Variants in CNOT1 observed in about 807,000 individuals in gnomAD.
The protein encoded by CNOT1 is CCR4-associated factor 1.
Under a neutral mutation model 273.8 loss-of-function variants are expected in CNOT1, and 15 were observed. The observed-to-expected ratio is 0.05, with a 90% confidence interval of 0.04 to 0.08. The LOEUF (loss-of-function observed/expected upper bound fraction) is 0.08, where lower values mean the gene tolerates loss of function less well. CNOT1 is among the 10% of genes least tolerant of loss of function. The pLI is 1.00. For missense variants in CNOT1, 1,644 were observed against 2,912.2 expected (o/e 0.56, Z 10.02); for synonymous variants, 1,022 against 1,005.5 (o/e 1.02, Z -0.31).
intron 16 of CNOT1, among the ~76,000 whole-genome samples, chr16:58,564,908 C>A (rs2040986091): frequency 6.6e-6 from 1 of 151,790 alleles, no homozygotes; most frequent in South Asian, 2.1e-4. Flanking sequence ...TACACCCCAG[C>A]CTGGGTAACA....
chr16:58,583,122 C>G lies in CNOT1; in HGVS notation c.867G>C (p.Gln289His). 6.2e-7 allele frequency: 1 copy of G among 1,613,974 alleles called. No homozygotes were observed. The highest frequency in any genetic ancestry group is 8.5e-7 in the Non-Finnish European group (1 of 1,180,008). Residue 289 changes from glutamine to histidine, a missense_variant, in exon 9 of 49, where the codon CAG becomes CAC. Coordinates refer to ENST00000317147, the MANE Select transcript of CNOT1 (RefSeq NM_016284.5). ...QFGVREVTAAQVARVLGMMAR... is the reference protein window; with the variant it reads ...QFGVREVTAAHVARVLGMMAR... ...CCATCATTCCCAAAACCCTTGCAAC[C>G]TGGGCAGCTGTGACCTCCCGAACAC...
chr16:58,529,066 A>T (rs1440549207), intron 43 of CNOT1, among the ~76,000 whole-genome samples: 1 of 152,166 alleles, frequency 6.6e-6, no homozygotes, highest in Non-Finnish European at 1.5e-5. Context: ...TAAATTGATA[A>T]ACCCTAACCA....
Position 58,521,305 on chromosome 16 carries a change from T to C in CNOT1, c.6930A>G (p.Glu2310=). The C allele has an allele frequency of 6.2e-7, 1 of 1,607,766 alleles. No homozygotes were observed. The change falls in exon 48 of 49, where the codon GAA becomes GAG. Residue 2310 remains glutamate (E), a synonymous_variant. Coordinates refer to ENST00000317147, the MANE Select transcript of CNOT1 (RefSeq NM_016284.5). ...IQEQITRVLL[E]RLIVNRPHPW... ...GATGTGGCCTATTTACAATCAACCGTTCCAAGAGAACTCTGGAAAAAGGGA... is the reference window on the plus strand; with the variant it reads ...GATGTGGCCTATTTACAATCAACCGCTCCAAGAGAACTCTGGAAAAAGGGA...
At position 58,555,357 on chromosome 16, in the gene CNOT1, T is replaced by C. The variant is rs1006424165; in HGVS notation, c.2785A>G (p.Met929Val). 1.2e-6 allele frequency: 2 copies of C among 1,614,108 alleles called. No homozygotes were observed. Among genetic ancestry groups the C allele is most frequent in the African/African-American group, 1.3e-5 (1 of 74,944 alleles). Residue 929 changes from methionine to valine, a missense_variant, in exon 21 of 49, where the codon ATG becomes GTG. Physicochemically the swap from Met to Val is conservative, Grantham distance 21 (BLOSUM62 1). Transcript: ENST00000317147. ...TATCGTAGAGCCAGACCTAGTGCCA[T>C]GTAAGTGACCAGTCCTTTCTCAATT... is the stretch of plus-strand genomic sequence containing the variant. ...GIIEKGLVTY[M>V]ALGLALRYVL...
intron 2 of CNOT1, among the ~76,000 whole-genome samples, chr16:58,598,788 G>A (rs527572619): frequency 6.6e-6 from 1 of 152,232 alleles, no homozygotes; most frequent in Non-Finnish European, 1.5e-5. Context: ...TGGGCTGGGC[G>A]TGGTGGCTCA....
rs773512727 is a variant in CNOT1 at position 58,537,011 on chromosome 16, G to A, written c.5624C>T (p.Ala1875Val). The A allele has an allele frequency of 4.0e-5, 64 of 1,614,028 alleles. No individual in the cohort carries two copies. The highest frequency in any genetic ancestry group is 5.3e-5 in the Non-Finnish European group (62 of 1,180,028). Residue 1875 changes from alanine to valine, a missense_variant, in exon 39 of 49, where the codon GCT (alanine) becomes GTT (valine). Coordinates refer to ENST00000317147, the MANE Select transcript of CNOT1 (RefSeq NM_016284.5). ...SAAAGRDSTK[A>V]FSAFVGQMHQ... ...TACCTGTCCAACAAATGCAGAGAAA[G>A]CTTTGGTACTGTCGCGGCCAGCTGC...
At position 58,547,035 on chromosome 16, in the gene CNOT1, G is replaced by C. The variant is rs2040279738; in HGVS notation, c.3750+151C>G. 6 of 1,160,600 alleles carry C rather than the reference G, an allele frequency of 5.2e-6. 1 individual carries two copies. 71.9% of individuals were successfully genotyped at this position (1,160,600 alleles called of 1,614,324 possible). On this transcript the variant is annotated intron_variant, in intron 27 of 48. Coordinates refer to ENST00000317147, the MANE Select transcript of CNOT1 (RefSeq NM_016284.5). This position sits in a 1 kb window ranked among gnomAD's most constrained non-coding sequence, Gnocchi z 4.0. The stretch of plus-strand genomic sequence containing the variant: ...ATTATAATCTTTCTTATTTCACCCA[G>C]CCTCTCAAATTGGAAATCCAAGTGC...
chr16:58,594,334 C>T lies in CNOT1; in HGVS notation c.102+4902G>A, dbSNP rs1435368920. Among the ~76,000 whole-genome samples the T allele has an allele frequency of 2.0e-5, 3 of 152,002 alleles. 1 individual carries two copies. The highest frequency in any genetic ancestry group is 7.3e-5 in the African/African-American group (3 of 41,370). On this transcript the variant is annotated intron_variant, in intron 2 of 48. Coordinates refer to ENST00000317147, the MANE Select transcript of CNOT1 (RefSeq NM_016284.5). ...CGATTCCATTAAATACGCAAATGCA[C>T]CAAGGCAGAAATAGAATAGTGGTCA... is the stretch of plus-strand genomic sequence containing the variant.
chr16:58,571,025 T>G (rs1368753315), intron 16 of CNOT1, among the ~76,000 whole-genome samples: 1 of 151,944 alleles, frequency 6.6e-6, no homozygotes, highest in Non-Finnish European at 1.5e-5. Flanking sequence ...CAAACACAAA[T>G]TCACAAACAT....
chr16:58,574,950 T>C lies in CNOT1; in HGVS notation c.1827+57A>G, dbSNP rs2041409543. Reference sequence around the variant, plus strand: ...CACAAATTTTAAAAGTTGTACTTGATAGCCATTTTAGCCACCAAAATTTAA... The same window carrying C: ...CACAAATTTTAAAAGTTGTACTTGACAGCCATTTTAGCCACCAAAATTTAA... On this transcript the variant is annotated intron_variant, in intron 15 of 48. Coordinates refer to ENST00000317147, the MANE Select transcript of CNOT1 (RefSeq NM_016284.5). 16 of 1,597,130 alleles carry C rather than the reference T, an allele frequency of 1.0e-5. No individual in the cohort carries two copies. In the Admixed American group the frequency reaches 2.3e-4, roughly 23 times the overall value.
At position 58,555,911 on chromosome 16, in the gene CNOT1, G is replaced by A; in HGVS notation, c.2480-3C>T. The A allele has an allele frequency of 1.2e-6, 2 of 1,610,734 alleles. No homozygotes were observed. Among genetic ancestry groups the A allele is most frequent in the Non-Finnish European group, 1.7e-6 (2 of 1,179,814 alleles). Reference sequence around the variant, plus strand: ...TGGCCACACCTGAGACAAGTCCGCTGTTGGAAACAAAAAAGGAATCAGTGG... The same window carrying A: ...TGGCCACACCTGAGACAAGTCCGCTATTGGAAACAAAAAAGGAATCAGTGG... On this transcript the variant is annotated splice_region_variant and splice_polypyrimidine_tract_variant and intron_variant, in intron 19 of 48. Coordinates refer to ENST00000317147, the MANE Select transcript of CNOT1 (RefSeq NM_016284.5).
At chr16:58,541,673 CTG>C (rs1491444134) in intron 33 of CNOT1, 53 bp from the exon 34 acceptor site, 16 of 1,585,432 alleles carry the variant, frequency 1.0e-5, no homozygotes, top group Non-Finnish European at 1.1e-5. Flanking sequence ...TCAAAATAAA[CTG>C]TTTTGAAAGT....
chr16:58,550,287 C>T (rs2040407094), intron 24 of CNOT1, among the ~76,000 whole-genome samples: 2 of 152,124 alleles, frequency 1.3e-5, no homozygotes, highest in Non-Finnish European at 2.9e-5. Flanking sequence ...CTAACTCTGG[C>T]GTTTCCAAGT....
At chr16:58,525,955 A>C in intron 45 of CNOT1, 34 bp downstream of exon 45, 1 of 1,597,914 alleles carries the variant, frequency 6.3e-7, no homozygotes, top group Non-Finnish European at 8.6e-7. Flanking sequence ...TTTATATGGA[A>C]GACGTAGATG....
At position 58,525,191 on chromosome 16, in the gene CNOT1, A is replaced by C; in HGVS notation, c.6772T>G (p.Leu2258Val). 1 of 1,613,456 alleles carries C rather than the reference A, an allele frequency of 6.2e-7. No individual in the cohort carries two copies. Among genetic ancestry groups the C allele is most frequent in the African/African-American group, 1.3e-5 (1 of 75,042 alleles). ...AGGCTTCACTCACCCTCAGTGTCCA[A>C]GTCCACAGCCAAATTCTGGAAGATA... ...MDIFQNLAVD[L>V]DTEGRYLFLN... is the part of the protein sequence containing the mutation. Residue 2258 changes from leucine (L) to valine (V), a missense_variant, in exon 46 of 49, where the codon TTG becomes GTG. Physicochemically the swap from Leu to Val is conservative, Grantham distance 32 (BLOSUM62 1). Around this residue, in one of 13 missense-constraint regions of CNOT1, gnomAD observed 140 missense variants for 324.6 expected, o/e 0.43. Coordinates refer to ENST00000317147, the MANE Select transcript of CNOT1 (RefSeq NM_016284.5).
At chr16:58,629,567 C>A in intron 1 of CNOT1, among the ~76,000 whole-genome samples, 161 bp downstream of exon 1, 1 of 152,154 alleles carries the variant, frequency 6.6e-6, no homozygotes, top group South Asian at 2.1e-4. Flanking sequence ...CCCTCTCCCG[C>A]CTCGTCCCAC....
chr16:58,627,329 G>A (rs958015174), intron 1 of CNOT1, among the ~76,000 whole-genome samples: 18 of 140,046 alleles, frequency 1.3e-4, no homozygotes, highest in African/African-American at 4.7e-4. Flanking sequence ...CTTGAACCCT[G>A]GAGGCAAAGG....
chr16:58,579,889 CAG>C (rs2041595811), intron 12 of CNOT1, among the ~76,000 whole-genome samples: 2 of 152,076 alleles, frequency 1.3e-5, no homozygotes, highest in Non-Finnish European at 2.9e-5. Flanking sequence ...AACTGGAACT[CAG>C]AGAAACTAGA....
At chr16:58,550,970 T>A (rs2040431755) in intron 24 of CNOT1, among the ~76,000 whole-genome samples, 162 bp downstream of exon 24, 1 of 152,188 alleles carries the variant, frequency 6.6e-6, no homozygotes, top group South Asian at 2.1e-4. Flanking sequence ...CCTTAAAAAC[T>A]GGTACTATTT....
Sources: allele counts gnomAD v4.1 joint callset (sites outside exome capture counted in the v4.1 genomes callset), GRCh38; gene constraint gnomAD v4.1.1; regional missense constraint gnomAD v4.1.1; non-coding constraint Gnocchi (gnomAD v3.1); transcripts MANE v1.5; gene names NCBI Gene and HGNC (gene_info 2026-07-23, HGNC 2026-07-21).